OR5A2: variants seen among roughly 807,000 people sequenced by gnomAD.
OR5A2 encodes the protein olfactory receptor family 5 subfamily A member 2.
For missense variants in OR5A2, 406 were observed against 398.9 expected (o/e 1.02, Z -0.15); for synonymous variants, 155 against 151.1 (o/e 1.03, Z -0.19).
rs573275128 is a variant in OR5A2 at position 59,417,598 on chromosome 11, G to C, written c.*4381C>G. 1.3e-5 allele frequency: 2 copies of C among 152,036 alleles called. No individual in the cohort carries two copies. The highest frequency in any genetic ancestry group is 1.9e-4 in the East Asian group (1 of 5,166). 9.4% of individuals were successfully genotyped at this position (152,036 alleles called of 1,614,324 possible). ...GGAAGAACGTGCTGGCATACATGGC[G>C]TATCACCTTACATGCAAGATAGTCA... On this transcript the variant is annotated 3_prime_UTR_variant, in exon 2 of 2. Coordinates refer to ENST00000302040, the MANE Select transcript of OR5A2 (RefSeq NM_001001954.2).
rs1858214623 is a variant in OR5A2 at position 59,420,992 on chromosome 11, A to G, written c.*987T>C. The G allele has an allele frequency of 6.6e-6, 1 of 152,170 alleles. No homozygotes were observed. The highest frequency in any genetic ancestry group is 1.5e-5 in the Non-Finnish European group (1 of 68,016). 9.4% of individuals were successfully genotyped at this position (152,170 alleles called of 1,614,324 possible). A position where few individuals can be genotyped will look rare whatever the true frequency, so the allele number is the denominator to read the frequency against. On this transcript the variant is annotated 3_prime_UTR_variant, in exon 2 of 2. Transcript: ENST00000302040. ...CCGAGAGGTTTTTTGTTCAGTCATT[A>G]AGGCCTACTGTTCTTGCACTGCTAT...
chr11:59,422,488 T>A lies in OR5A2; in HGVS notation c.466A>T (p.Ser156Cys). The A allele has an allele frequency of 6.2e-7, 1 of 1,613,752 alleles. No individual in the cohort carries two copies. The highest frequency in any genetic ancestry group is 8.5e-7 in the Non-Finnish European group (1 of 1,179,750). ...ACAGAGTATGTTTCAATGAAAGAAC[T>A]AAGGAATCCACCCACATAGGCGCCA... ...VVGAYVGGFL[S>C]SFIETYSVYQ... The change falls in exon 2 of 2, where the codon AGT (serine) becomes TGT (cysteine). Residue 156 changes from serine to cysteine, a missense_variant. Coordinates refer to ENST00000302040, the MANE Select transcript of OR5A2 (RefSeq NM_001001954.2).
chr11:59,422,052 G>A lies in OR5A2; in HGVS notation c.902C>T (p.Ala301Val). The A allele has an allele frequency of 6.2e-7, 1 of 1,613,906 alleles. No individual in the cohort carries two copies. Among genetic ancestry groups the A allele is most frequent in the South Asian group, 1.1e-5 (1 of 91,054 alleles). ...YSFRNKEIKNAMRKAMERDPG... is the reference protein window; with the variant it reads ...YSFRNKEIKNVMRKAMERDPG... ...GTCCCTTTCCATGGCTTTCCTCATG[G>A]CATTTTTAATCTCCTTATTCCTAAA... Residue 301 changes from alanine to valine, a missense_variant, in exon 2 of 2, where the codon GCC becomes GTC. Coordinates refer to ENST00000302040, the MANE Select transcript of OR5A2 (RefSeq NM_001001954.2).
chr11:59,422,721 G>A lies in OR5A2; in HGVS notation c.233C>T (p.Thr78Ile), dbSNP rs369546239. ...SFLDICYVSS[T>I]APKMLSDIIT... ...GATGTCAGACAGCATCTTAGGGGCGGTGGAGGACACATAGCAGATGTCCAG... is the reference window on the plus strand; with the variant it reads ...GATGTCAGACAGCATCTTAGGGGCGATGGAGGACACATAGCAGATGTCCAG... The change falls in exon 2 of 2, where the codon ACC becomes ATC. Residue 78 changes from threonine to isoleucine, a missense_variant. Thr to Ile is a moderately conservative substitution (Grantham distance 89, BLOSUM62 -1). Coordinates refer to ENST00000302040, the MANE Select transcript of OR5A2 (RefSeq NM_001001954.2). 3 of 1,614,054 alleles carry A rather than the reference G, an allele frequency of 1.9e-6. No individual in the cohort carries two copies. The highest frequency in any genetic ancestry group is 2.7e-5 in the African/African-American group (2 of 74,936).
At chr11:59,423,873 G>A (rs1858262925) in intron 1 of OR5A2, 1 of 152,152 alleles carries the variant, frequency 6.6e-6, no homozygotes, top group African/African-American at 2.4e-5. Flanking sequence ...AAGGGGAAAG[G>A]GGAGCCGTAC....
rs1458069478 is a variant in OR5A2 at position 59,422,808 on chromosome 11, A to C, written c.146T>G (p.Leu49Arg). 3.7e-6 allele frequency: 6 copies of C among 1,614,044 alleles called. No homozygotes were observed. In the Admixed American group the frequency reaches 1.0e-4, roughly 27 times the overall value. ...TLAWNLSLIA[L>R]IKMDSHLHMP... is the part of the protein sequence containing the mutation. ...GTGCAGGTGAGAGTCCATCTTAATG[A>C]GGGCAATGAGGCTTAAGTTCCAGGC... The change falls in exon 2 of 2, where the codon CTC becomes CGC. Residue 49 changes from leucine to arginine, a missense_variant. Transcript: ENST00000302040.
In OR5A2 at chr11:59,419,627, C is replaced by T. The variant is rs1249795120; in HGVS notation, c.*2352G>A. ...ATACATTTAAGAAATACATTGGTTT[C>T]GTTCAGAAAGGCGGGACAACTCAAA... On this transcript the variant is annotated 3_prime_UTR_variant, in exon 2 of 2. Coordinates refer to ENST00000302040, the MANE Select transcript of OR5A2 (RefSeq NM_001001954.2). 2 of 152,114 alleles carry T rather than the reference C, an allele frequency of 1.3e-5. No homozygotes were observed. Among genetic ancestry groups the T allele is most frequent in the East Asian group, 1.9e-4 (1 of 5,180 alleles). 9.4% of individuals were successfully genotyped at this position (152,114 alleles called of 1,614,324 possible).
In OR5A2 at chr11:59,422,885, T is replaced by C. The variant is rs147892174; in HGVS notation, c.69A>G (p.Gln23=). ...ATAACATGAAAAGGAAAATCTTCAT[T>C]TGAGGATGGTCTGAAAGTCCCAGGA... ...FILLGLSDHP[Q]MKIFLFMLFL... is the part of the protein sequence containing the mutation. The change falls in exon 2 of 2, where the codon CAA becomes CAG. Residue 23 remains glutamine (Q), a synonymous_variant. Coordinates refer to ENST00000302040, the MANE Select transcript of OR5A2 (RefSeq NM_001001954.2). The C allele has an allele frequency of 2.8e-4, 451 of 1,614,112 alleles. No individual in the cohort carries two copies. The highest frequency in any genetic ancestry group is 3.7e-4 in the Non-Finnish European group (431 of 1,180,012).
chr11:59,418,454 G>T lies in OR5A2; in HGVS notation c.*3525C>A, dbSNP rs970658836. 3 of 152,122 alleles carry T rather than the reference G, an allele frequency of 2.0e-5. No homozygotes were observed. Among genetic ancestry groups the T allele is most frequent in the Admixed American group, 2.0e-4 (3 of 15,254 alleles). 9.4% of individuals were successfully genotyped at this position (152,122 alleles called of 1,614,324 possible). On this transcript the variant is annotated 3_prime_UTR_variant, in exon 2 of 2. Coordinates refer to ENST00000302040, the MANE Select transcript of OR5A2 (RefSeq NM_001001954.2). ...CAAACATGAGTGCCACACCCTAGAT[G>T]ATGGTAATTTTACTAAAGTGAATTC...
intron 1 of OR5A2, chr11:59,423,767 G>T (rs2198452): frequency 0.93 from 141,061 of 152,178 alleles, 65,894 homozygotes; most frequent in Non-Finnish European, 0.99. Flanking sequence ...ATGCTCTTAA[G>T]AAAAGTCATT....
rs930985584 is a variant in OR5A2, at chr11:59,420,726, T to G, written c.*1253A>C. 6.6e-6 allele frequency: 1 copy of G among 152,228 alleles called. No individual in the cohort carries two copies. Among genetic ancestry groups the G allele is most frequent in the Non-Finnish European group, 1.5e-5 (1 of 68,040 alleles). The allele number at this position is 152,228 out of a possible 1,614,324, so 9.4% of individuals were successfully genotyped here. A position where few individuals can be genotyped will look rare whatever the true frequency, so the allele number is the denominator to read the frequency against. On this transcript the variant is annotated 3_prime_UTR_variant, in exon 2 of 2. Coordinates refer to ENST00000302040, the MANE Select transcript of OR5A2 (RefSeq NM_001001954.2). ...CAGTTCAAGGATACATAACAAGTTC[T>G]AAGAAAATGTAGAGGAGAAAAATCA... is the stretch of plus-strand genomic sequence containing the variant.
rs991701260 is a variant in OR5A2 at position 59,420,509 on chromosome 11, AC to A, written c.*1469del. ...GTATTCTAAGTATTTACATGTACTG[AC>A]TCATTTAATTCTTCACAATAGTCCT... On this transcript the variant is annotated 3_prime_UTR_variant, in exon 2 of 2. Transcript: ENST00000302040. 6.6e-6 allele frequency: 1 copy of A among 152,030 alleles called. No homozygotes were observed. Among genetic ancestry groups the A allele is most frequent in the African/African-American group, 2.4e-5 (1 of 41,404 alleles). 9.4% of individuals were successfully genotyped at this position (152,030 alleles called of 1,614,324 possible).
chr11:59,422,545 T>C lies in OR5A2; in HGVS notation c.409A>G (p.Ile137Val). 1 of 1,614,148 alleles carries C rather than the reference T, an allele frequency of 6.2e-7. No individual in the cohort carries two copies. The highest frequency in any genetic ancestry group is 8.5e-7 in the Non-Finnish European group (1 of 1,180,016). ...ICNPLLYTVL[I>V]SHTLCLKMVV... ...ATCTTTAAACAAAGTGTATGGGATA[T>C]GAGGACTGTGTAAAGCAAGGGGTTG... Residue 137 changes from isoleucine (I) to valine (V), a missense_variant, in exon 2 of 2, where the codon ATA (isoleucine) becomes GTA (valine). Transcript: ENST00000302040.
Position 59,422,806 on chromosome 11 carries a change from T to G in OR5A2, c.148A>C (p.Ile50Leu), listed in dbSNP as rs752715348. Residue 50 changes from isoleucine to leucine, a missense_variant, in exon 2 of 2, where the codon ATT (isoleucine) becomes CTT (leucine). By Grantham distance (5) the Ile-to-Leu change is conservative (BLOSUM62 2). Transcript: ENST00000302040. The stretch of plus-strand genomic sequence containing the variant: ...ATGTGCAGGTGAGAGTCCATCTTAA[T>G]GAGGGCAATGAGGCTTAAGTTCCAG... The part of the protein sequence containing the change: ...LAWNLSLIAL[I>L]KMDSHLHMPM... 2 of 1,614,106 alleles carry G rather than the reference T, an allele frequency of 1.2e-6. No individual in the cohort carries two copies. Among genetic ancestry groups the G allele is most frequent in the Non-Finnish European group, 1.7e-6 (2 of 1,180,012 alleles).
rs914605170 is a variant in OR5A2 at position 59,420,234 on chromosome 11, A to G, written c.*1745T>C. The G allele has an allele frequency of 6.6e-6, 1 of 152,154 alleles. No individual in the cohort carries two copies. The highest frequency in any genetic ancestry group is 6.6e-5 in the Admixed American group (1 of 15,254). 9.4% of individuals were successfully genotyped at this position (152,154 alleles called of 1,614,324 possible). On this transcript the variant is annotated 3_prime_UTR_variant, in exon 2 of 2. Coordinates refer to ENST00000302040, the MANE Select transcript of OR5A2 (RefSeq NM_001001954.2). ...GTTTCTAAATAACTTGGATCAGGCT[A>G]TGTACCTACAAAATGGCAGAGATGA... is the stretch of plus-strand genomic sequence containing the variant.
Position 59,422,996 on chromosome 11 carries a change from A to T in OR5A2, c.-43T>A, listed in dbSNP as rs747192801. ...AAAGTCTTTACTTTCTTCTTTAAGA[A>T]TCCTGTGGTCAGCTAGATTTTGTTT... On this transcript the variant is annotated 5_prime_UTR_variant, in exon 2 of 2. Coordinates refer to ENST00000302040, the MANE Select transcript of OR5A2 (RefSeq NM_001001954.2). The T allele has an allele frequency of 1.3e-6, 2 of 1,551,872 alleles. No individual in the cohort carries two copies. The highest frequency in any genetic ancestry group is 1.7e-6 in the Non-Finnish European group (2 of 1,148,742).
Position 59,418,751 on chromosome 11 carries a change from T to C in OR5A2, c.*3228A>G, listed in dbSNP as rs991400435. ...ATAAGACTTACATTCTTCTTGGTAG[T>C]TGGGCAAACTGCAAAAATACCTTAT... On this transcript the variant is annotated 3_prime_UTR_variant, in exon 2 of 2. Transcript: ENST00000302040. 2 of 152,138 alleles carry C rather than the reference T, an allele frequency of 1.3e-5. No individual in the cohort carries two copies. The highest frequency in any genetic ancestry group is 4.8e-5 in the African/African-American group (2 of 41,440). 9.4% of individuals were successfully genotyped at this position (152,138 alleles called of 1,614,324 possible).
rs894783666 is a variant in OR5A2 at position 59,417,503 on chromosome 11, G to T, written c.*4476C>A. The T allele has an allele frequency of 2.0e-5, 3 of 152,108 alleles. No homozygotes were observed. Among genetic ancestry groups the T allele is most frequent in the African/African-American group, 7.2e-5 (3 of 41,432 alleles). 9.4% of individuals were successfully genotyped at this position (152,108 alleles called of 1,614,324 possible). On this transcript the variant is annotated 3_prime_UTR_variant, in exon 2 of 2. Transcript: ENST00000302040. ...ACACCTGGCTTATCATCCCCAGGGG[G>T]TTTGAAAATGTTATAGACATGAGGA...
chr11:59,423,029 T>G lies in OR5A2; in HGVS notation c.-76A>C. Reference sequence around the variant, plus strand: ...GTCAGCTAGATTTTGTTTGTTATTGTAAGAGTGGGTATTTCCTAGAAGATC... The same window carrying G: ...GTCAGCTAGATTTTGTTTGTTATTGGAAGAGTGGGTATTTCCTAGAAGATC... On this transcript the variant is annotated 5_prime_UTR_variant, in exon 2 of 2. Transcript: ENST00000302040. 1 of 1,372,470 alleles carries G rather than the reference T, an allele frequency of 7.3e-7. No individual in the cohort carries two copies. The highest frequency in any genetic ancestry group is 1.0e-6 in the Non-Finnish European group (1 of 997,092). The allele number at this position is 1,372,470 out of a possible 1,614,324, so 85.0% of individuals were successfully genotyped here. A position where few individuals can be genotyped will look rare whatever the true frequency, so the allele number is the denominator to read the frequency against.
Sources: allele counts gnomAD v4.1 joint callset, GRCh38; gene constraint gnomAD v4.1.1; transcripts MANE v1.5; gene names NCBI Gene and HGNC (gene_info 2026-07-23, HGNC 2026-07-21).